EPC2: variants seen among roughly 807,000 people sequenced by gnomAD.
EPC2 encodes enhancer of polycomb 2.
A neutral mutation model predicts 92.1 loss-of-function variants in EPC2; 14 were observed. That is an observed-to-expected ratio of 0.15 (90% CI 0.10 to 0.24). The LOEUF is 0.24. Among genes scored for constraint, EPC2 ranks in the 10% least tolerant of loss-of-function variants. The pLI is 1.00. For missense variants in EPC2, 755 were observed against 971.5 expected (o/e 0.78, Z 2.96); for synonymous variants, 340 against 334.7 (o/e 1.02, Z -0.17).
chr2:148,775,483 TTA>T (rs1227724658), intron 10 of EPC2, among the ~76,000 whole-genome samples: 1 of 151,998 alleles, frequency 6.6e-6, no homozygotes, highest in Non-Finnish European at 1.5e-5. Flanking sequence ...ACATTTAGTT[TTA>T]GTTTTCTCTA....
rs747919551 is a variant in EPC2, at chr2:148,690,307, G to A, written c.247G>A (p.Val83Ile). 2.1e-5 allele frequency: 34 copies of A among 1,612,642 alleles called. No individual in the cohort carries two copies. Among genetic ancestry groups the A allele is most frequent in the Admixed American group, 1.0e-4 (6 of 59,638 alleles). ...VIPVPEAESN[V>I]NYYNRLYKGE... is the part of the protein sequence containing the mutation. ...TCCTGTTCCTGAGGCAGAGAGCAAC[G>A]TCAACTATTACAATCGCTTGTACAA... The change falls in exon 2 of 14, where the codon GTC becomes ATC. Residue 83 changes from valine to isoleucine, a missense_variant. This residue lies in a region of EPC2 where 509 missense variants were observed against 607.7 expected (regional missense o/e 0.84). Transcript: ENST00000258484.
At position 148,783,169 on chromosome 2, in the gene EPC2, C is replaced by G. The variant is rs555245973; in HGVS notation, c.1858-428C>G. The stretch of plus-strand genomic sequence containing the variant: ...TGGCCATTTAACTTTACTTTGTTTG[C>G]TTTTTCTGAGTCTCCTGGTTAACCA... On this transcript the variant is annotated intron_variant, in intron 11 of 13. Transcript: ENST00000258484. Among the ~76,000 whole-genome samples, 29 of 152,274 alleles carry G rather than the reference C, an allele frequency of 1.9e-4. 1 individual carries two copies. The Middle Eastern group carries it at 0.01, about 54-fold the overall frequency.
chr2:148,712,150 A>G (rs749208000), intron 2 of EPC2, among the ~76,000 whole-genome samples: 1 of 151,946 alleles, frequency 6.6e-6, no homozygotes, highest in Non-Finnish European at 1.5e-5. Flanking sequence ...TTCTGGTTTT[A>G]TCTTCTACAC....
chr2:148,653,156 A>G (rs1359469141), intron 1 of EPC2, among the ~76,000 whole-genome samples: 1 of 152,244 alleles, frequency 6.6e-6, no homozygotes, highest in Non-Finnish European at 1.5e-5. Context: ...ATAGCAATCC[A>G]GGTACTTCTG....
chr2:148,706,189 GA>G (rs2105380631), intron 2 of EPC2, among the ~76,000 whole-genome samples: 1 of 152,270 alleles, frequency 6.6e-6, no homozygotes, highest in East Asian at 1.9e-4. Context: ...CATGGCACGA[GA>G]GCTTCGTGAT....
chr2:148,651,362 C>A (rs556058345), intron 1 of EPC2, among the ~76,000 whole-genome samples: 1 of 152,188 alleles, frequency 6.6e-6, no homozygotes, highest in East Asian at 1.9e-4. Flanking sequence ...TTCGTTCGGA[C>A]ATGCAGACAT....
intron 2 of EPC2, among the ~76,000 whole-genome samples, chr2:148,708,377 A>C (rs772376103): frequency 6.6e-6 from 1 of 152,234 alleles, no homozygotes; most frequent in Admixed American, 6.5e-5. Context: ...AAAAAAGTCC[A>C]TGACCAGACG....
intron 2 of EPC2, among the ~76,000 whole-genome samples, chr2:148,736,991 A>C (rs1682771147): frequency 6.6e-6 from 1 of 152,038 alleles, no homozygotes; most frequent in African/African-American, 2.4e-5. Flanking sequence ...AGTCCTAGCT[A>C]CTTGGGAAGC....
intron 2 of EPC2, among the ~76,000 whole-genome samples, chr2:148,733,361 G>T (rs1400251627): frequency 6.6e-6 from 1 of 151,616 alleles, no homozygotes; most frequent in Non-Finnish European, 1.5e-5. Context: ...TTTGTGTAAA[G>T]GGCTAGTTAG....
At chr2:148,719,650 A>G (rs982341602) in intron 2 of EPC2, among the ~76,000 whole-genome samples, 4 of 152,190 alleles carry the variant, frequency 2.6e-5, no homozygotes, top group Non-Finnish European at 5.9e-5. Flanking sequence ...TGCCACCTGA[A>G]CACGCCTGTA....
chr2:148,763,441 G>A (rs1683341301), intron 6 of EPC2, among the ~76,000 whole-genome samples: 1 of 152,152 alleles, frequency 6.6e-6, no homozygotes, highest in African/African-American at 2.4e-5. Context: ...AACTAATAAA[G>A]CCTTTAATTT....
chr2:148,677,542 G>A (rs78927450), intron 1 of EPC2, among the ~76,000 whole-genome samples: 2,800 of 152,222 alleles, frequency 0.018, 64 homozygotes, highest in East Asian at 0.081. Context: ...TAGGTTTGGT[G>A]GTACGCACTT....
In EPC2 at chr2:148,774,949, C is replaced by T. The variant is rs1229773765; in HGVS notation, c.1720+3562C>T. On this transcript the variant is annotated intron_variant, in intron 10 of 13. Coordinates refer to ENST00000258484, the MANE Select transcript of EPC2 (RefSeq NM_015630.4). ...AAAAATACAAAAAAAATTAGCCAGG[C>T]GTGGTGGTGGGCGCCTGTAGTCCCA... 2.6e-5 allele frequency among the ~76,000 whole-genome samples: 4 copies of T among 151,228 alleles called. No homozygotes were observed. In the South Asian group the frequency reaches 6.3e-4, roughly 24 times the overall value.
intron 2 of EPC2, among the ~76,000 whole-genome samples, chr2:148,720,965 C>A (rs150646759): frequency 1.3e-5 from 2 of 152,300 alleles, no homozygotes; most frequent in Admixed American, 6.5e-5. Flanking sequence ...TTCATTAAGA[C>A]TATATCTGTC....
intron 1 of EPC2, among the ~76,000 whole-genome samples, chr2:148,662,271 G>A (rs180872028): frequency 0.045 from 6,795 of 152,146 alleles, 219 homozygotes; most frequent in African/African-American, 0.088. Context: ...ATTCCTCAGG[G>A]ATCTAGAACT....
intron 12 of EPC2, 52 bp from the exon 13 acceptor site, chr2:148,784,616 T>C (rs1213647477): frequency 3.8e-5 from 48 of 1,270,732 alleles, no homozygotes; most frequent in Non-Finnish European, 5.3e-5. Context: ...CTTCTAAAAA[T>C]AGTTGTATTG....
At chr2:148,669,344 C>G (rs1008177870) in intron 1 of EPC2, among the ~76,000 whole-genome samples, 1 of 152,056 alleles carries the variant, frequency 6.6e-6, no homozygotes, top group African/African-American at 2.4e-5. Context: ...TTTTGTATTC[C>G]TATAAATGTC....
At chr2:148,684,045 A>G (rs528324256) in intron 1 of EPC2, among the ~76,000 whole-genome samples, 2 of 152,348 alleles carry the variant, frequency 1.3e-5, no homozygotes, top group East Asian at 3.9e-4. Flanking sequence ...TTTTTAAATT[A>G]TGGCCATTCT....
At position 148,695,023 on chromosome 2, in the gene EPC2, C is replaced by T. The variant is rs546028274; in HGVS notation, c.313+4650C>T. 5.9e-5 allele frequency among the ~76,000 whole-genome samples: 9 copies of T among 152,312 alleles called. No individual in the cohort carries two copies. In the South Asian group the frequency reaches 1.9e-3, roughly 32 times the overall value. ...CCTGGCCTCATGATCCGTGATCTGC[C>T]CACCTTGGCCTCCTAAAGTGTTGGG... On this transcript the variant is annotated intron_variant, in intron 2 of 13. Transcript: ENST00000258484.
Sources: allele counts gnomAD v4.1 joint callset (sites outside exome capture counted in the v4.1 genomes callset), GRCh38; gene constraint gnomAD v4.1.1; regional missense constraint gnomAD v4.1.1; transcripts MANE v1.5; gene names NCBI Gene and HGNC (gene_info 2026-07-23, HGNC 2026-07-21).